Variants in RAB28 observed in about 807,000 individuals in gnomAD.
RAB28 encodes RAB28, member RAS oncogene family.
A neutral mutation model predicts 31.7 loss-of-function variants in RAB28; 24 were observed. The observed-to-expected ratio is 0.76, with a 90% confidence interval of 0.55 to 1.06. RAB28 has a LOEUF of 1.06. Among genes scored for constraint, RAB28 ranks in the 50% least tolerant of loss-of-function variants. RAB28 has a pLI of 0.00. For missense variants in RAB28, 254 were observed against 258.5 expected (o/e 0.98, Z 0.12); for synonymous variants, 100 against 90.4 (o/e 1.11, Z -0.60).
chr4:13,420,610 A>C (rs188118670), intron 4 of RAB28, among the ~76,000 whole-genome samples: 7 of 152,338 alleles, frequency 4.6e-5, no homozygotes, highest in African/African-American at 1.7e-4. Context: ...AACATATGCA[A>C]ATCAATAAAT....
intron 4 of RAB28, among the ~76,000 whole-genome samples, chr4:13,382,741 C>T (rs1396385932): frequency 7.7e-5 from 11 of 143,634 alleles, no homozygotes; most frequent in Non-Finnish European, 1.0e-4. Flanking sequence ...CACTGTCACC[C>T]GGGCTGGAGT....
Position 13,368,293 on chromosome 4 carries a change from A to T in RAB28, c.*265T>A, listed in dbSNP as rs1728585944. 1.1e-5 allele frequency: 12 copies of T among 1,103,782 alleles called. No individual in the cohort carries two copies. In the South Asian group the frequency reaches 5.3e-4, roughly 49 times the overall value. The allele number at this position is 1,103,782 out of a possible 1,614,324, so 68.4% of individuals were successfully genotyped here. ...AGAAGCAAGGACATACAAAGAAACA[A>T]CATCATTCTTTTGCAATGAAGCAGT... is the stretch of plus-strand genomic sequence containing the variant. On this transcript the variant is annotated 3_prime_UTR_variant, in exon 7 of 7. Transcript: ENST00000330852.
intron 4 of RAB28, among the ~76,000 whole-genome samples, chr4:13,442,662 A>G (rs1053152227): frequency 5.3e-5 from 8 of 152,092 alleles, no homozygotes; most frequent in Admixed American, 4.6e-4. Context: ...ACCTCCTCCC[A>G]TTACCCATAA....
intron 4 of RAB28, among the ~76,000 whole-genome samples, chr4:13,414,484 G>T (rs1185375242): frequency 1.3e-5 from 2 of 152,142 alleles, no homozygotes; most frequent in Non-Finnish European, 2.9e-5. Flanking sequence ...CTCCAAAAGA[G>T]GTACCAAAAT....
chr4:13,442,591 A>G (rs1714480527), intron 4 of RAB28, among the ~76,000 whole-genome samples: 1 of 151,924 alleles, frequency 6.6e-6, no homozygotes. Flanking sequence ...ATATTTCATA[A>G]TATTTGTCAA....
intron 4 of RAB28, among the ~76,000 whole-genome samples, chr4:13,451,327 GTCT>G (rs1714955840): frequency 6.7e-6 from 1 of 148,862 alleles, no homozygotes; most frequent in South Asian, 2.1e-4. Flanking sequence ...CCATTTCTAT[GTCT>G]TCTTTTGAAA....
intron 4 of RAB28, among the ~76,000 whole-genome samples, chr4:13,439,956 T>G (rs529175363): frequency 1.3e-5 from 2 of 152,330 alleles, no homozygotes; most frequent in African/African-American, 4.8e-5. Context: ...GTAGCATTAT[T>G]TATATATTTA....
chr4:13,477,310 A>G (rs924349503), intron 2 of RAB28, among the ~76,000 whole-genome samples: 5 of 151,552 alleles, frequency 3.3e-5, no homozygotes, highest in Admixed American at 6.6e-5. Flanking sequence ...GAGAATGTAA[A>G]TAGATGGACA....
intron 4 of RAB28, among the ~76,000 whole-genome samples, chr4:13,455,890 C>T (rs28499118): frequency 0.094 from 14,264 of 152,266 alleles, 1,318 homozygotes; most frequent in African/African-American, 0.24. Context: ...GTCTCCACAC[C>T]ACCCTTCTGG....
intron 1 of RAB28, 74 bp downstream of exon 1, chr4:13,484,002 G>T (rs1225620607): frequency 7.1e-7 from 1 of 1,402,186 alleles, no homozygotes; most frequent in Admixed American, 2.0e-5. Context: ...AGGCGACGCC[G>T]GGCGGCGGGG....
intron 6 of RAB28, among the ~76,000 whole-genome samples, chr4:13,375,131 G>C (rs543607534): frequency 6.6e-6 from 1 of 152,226 alleles, no homozygotes; most frequent in South Asian, 2.1e-4. Context: ...GTGTCAGAGA[G>C]ACCTGGGTGC....
chr4:13,379,712 A>AT (rs1210498497), intron 5 of RAB28, among the ~76,000 whole-genome samples: 1 of 152,110 alleles, frequency 6.6e-6, no homozygotes. Flanking sequence ...ATTTGTAATG[A>AT]TGTGATCTGT....
At chr4:13,444,425 A>G (rs1284725934) in intron 4 of RAB28, among the ~76,000 whole-genome samples, 1 of 152,144 alleles carries the variant, frequency 6.6e-6, no homozygotes, top group African/African-American at 2.4e-5. Flanking sequence ...CATTTATCCA[A>G]TGATGGACAC....
chr4:13,370,645 T>C, intron 6 of RAB28: 1 of 984,728 alleles, frequency 1.0e-6, no homozygotes, highest in Non-Finnish European at 1.2e-6. Context: ...AATTTTTATA[T>C]TTAATACTAT....
intron 4 of RAB28, among the ~76,000 whole-genome samples, chr4:13,442,123 G>A (rs773873639): frequency 6.6e-6 from 1 of 152,188 alleles, no homozygotes. Context: ...GCAAGACTTT[G>A]TAGGCATTCA....
At chr4:13,388,223 G>A (rs141630108) in intron 4 of RAB28, among the ~76,000 whole-genome samples, 288 of 152,042 alleles carry the variant, frequency 1.9e-3, no homozygotes, top group African/African-American at 6.7e-3. Flanking sequence ...TCACATATAT[G>A]GCCAAATGAT....
intron 4 of RAB28, among the ~76,000 whole-genome samples, chr4:13,410,470 G>A: frequency 6.6e-6 from 1 of 151,998 alleles, no homozygotes; most frequent in Non-Finnish European, 1.5e-5. Context: ...CCACAAGTCA[G>A]CATTCAGGAA....
At chr4:13,403,540 C>A (rs891011664) in intron 4 of RAB28, among the ~76,000 whole-genome samples, 2 of 152,166 alleles carry the variant, frequency 1.3e-5, no homozygotes, top group African/African-American at 4.8e-5. Flanking sequence ...CAGTTTTATT[C>A]GTTCTTTTAT....
At chr4:13,400,668 C>G (rs1205505407) in intron 4 of RAB28, among the ~76,000 whole-genome samples, 1 of 152,158 alleles carries the variant, frequency 6.6e-6, no homozygotes, top group Admixed American at 6.5e-5. Flanking sequence ...TTCACTATTT[C>G]ATCATTAAGT....
Sources: gnomAD v4.1 joint callset for allele counts (sites outside exome capture counted in the v4.1 genomes callset) on GRCh38, gnomAD v4.1.1 for gene constraint, MANE v1.5 for transcripts, NCBI Gene and HGNC (gene_info 2026-07-23, HGNC 2026-07-21) for gene names.